The following ANKRD11 variants were observed in gnomAD, a reference collection of about 807,000 sequenced individuals.
ANKRD11 encodes ankyrin repeat domain-containing protein 11.
In ANKRD11, 17 loss-of-function variants were observed where a neutral mutation model predicts 195.7. The ratio of observed to expected loss-of-function variants is 0.09; its 90% CI spans 0.06 to 0.13. The LOEUF (loss-of-function observed/expected upper bound fraction) is 0.13. ANKRD11 is among the 10% of genes least tolerant of loss of function. The pLI is 1.00. For synonymous variants in ANKRD11, 1,953 were observed against 1,528.1 expected, an observed-to-expected ratio of 1.28 and a Z score of -6.49; for missense variants, 3,735 against 3,566.1, an observed-to-expected ratio of 1.05 and a Z score of -1.21.
In ANKRD11 at chr16:89,281,410, G is replaced by C; in HGVS notation, c.5132C>G (p.Ser1711Cys). The C allele has an allele frequency of 6.2e-7, 1 of 1,611,226 alleles. No homozygotes were observed. The highest frequency in any genetic ancestry group is 8.5e-7 in the Non-Finnish European group (1 of 1,177,962). ...CATCACCTCCTCGTAGCTGGGGCAG[G>C]ATAGCACCGACGTAGGGGTGGGCAC... ...TGVPTPTSVL[S>C]CPSYEEVMHT... The change falls in exon 9 of 13, where the codon TCC becomes TGC. Residue 1711 changes from serine to cysteine, a missense_variant. Transcript: ENST00000301030. This position sits in a 1 kb window ranked among gnomAD's most constrained non-coding sequence, Gnocchi z 5.5.
chr16:89,309,478 T>C (rs2036491147), intron 3 of ANKRD11, among the ~76,000 whole-genome samples: 1 of 152,232 alleles, frequency 6.6e-6, no homozygotes. Flanking sequence ...CCAGCTATAA[T>C]GTCTATCTAT....
intron 9 of ANKRD11, among the ~76,000 whole-genome samples, chr16:89,275,570 G>A (rs969355376): frequency 2.0e-5 from 3 of 152,144 alleles, no homozygotes; most frequent in African/African-American, 7.2e-5. Context: ...AGCTTCCTGT[G>A]TTCACAGGGA....
chr16:89,275,814 G>A (rs1411532971), intron 9 of ANKRD11, among the ~76,000 whole-genome samples: 1 of 152,188 alleles, frequency 6.6e-6, no homozygotes, highest in Admixed American at 6.5e-5. Context: ...CATGCATGCT[G>A]GAAGTGAATG....
At chr16:89,336,594 A>G (rs907259744) in intron 2 of ANKRD11, among the ~76,000 whole-genome samples, 1 of 152,154 alleles carries the variant, frequency 6.6e-6, no homozygotes, top group Non-Finnish European at 1.5e-5. Context: ...TCAATGAGAC[A>G]CAAGGTTAAA....
chr16:89,275,333 A>T lies in ANKRD11; in HGVS notation c.7471-142T>A, dbSNP rs968615530. 4.5e-6 allele frequency: 3 copies of T among 673,216 alleles called. No homozygotes were observed. In the African/African-American group the frequency reaches 5.4e-5, roughly 12 times the overall value. The allele number at this position is 673,216 out of a possible 1,614,324, so 41.7% of individuals were successfully genotyped here. On this transcript the variant is annotated intron_variant, in intron 9 of 12. Transcript: ENST00000301030. ...GGAGGCCTCCTCCAGTCCCAGCAAC[A>T]GACACACCAGGAAGCTTCTAGAAAC...
intron 1 of ANKRD11, among the ~76,000 whole-genome samples, chr16:89,427,873 A>G (rs890643386): frequency 6.6e-6 from 1 of 152,170 alleles, no homozygotes; most frequent in Non-Finnish European, 1.5e-5. Flanking sequence ...GGCAAAATAA[A>G]ACAAGGGCAC....
At chr16:89,483,305 C>T (rs2057502458) in intron 1 of ANKRD11, among the ~76,000 whole-genome samples, 1 of 152,254 alleles carries the variant, frequency 6.6e-6, no homozygotes, top group South Asian at 2.1e-4. Flanking sequence ...GTTTCAACAT[C>T]ATCTTCTTTT....
intron 2 of ANKRD11, among the ~76,000 whole-genome samples, chr16:89,359,344 T>G (rs1283316212): frequency 6.6e-6 from 1 of 152,278 alleles, no homozygotes; most frequent in Non-Finnish European, 1.5e-5. Flanking sequence ...CAATCGCACG[T>G]ACAGCCCTTT....
intron 4 of ANKRD11, among the ~76,000 whole-genome samples, chr16:89,294,001 C>A (rs571153766): frequency 6.6e-6 from 1 of 152,234 alleles, no homozygotes; most frequent in East Asian, 1.9e-4. Context: ...TCCTGCAGGG[C>A]GGCCATCTCA....
intron 1 of ANKRD11, among the ~76,000 whole-genome samples, chr16:89,479,032 C>T (rs2057351033): frequency 1.3e-5 from 2 of 152,070 alleles, no homozygotes; most frequent in African/African-American, 4.8e-5. Flanking sequence ...CTCACTGCAA[C>T]CTCAACCTTC....
At chr16:89,393,910 A>G (rs1265030534) in intron 2 of ANKRD11, among the ~76,000 whole-genome samples, 2 of 152,226 alleles carry the variant, frequency 1.3e-5, no homozygotes, top group Admixed American at 6.5e-5. Flanking sequence ...CCAAAAAGTC[A>G]CGAAGAAAGT....
intron 3 of ANKRD11, among the ~76,000 whole-genome samples, chr16:89,307,167 TGCCG>T (rs1339877501): frequency 6.6e-6 from 1 of 152,174 alleles, no homozygotes; most frequent in Admixed American, 6.5e-5. Flanking sequence ...CTAGGTAAGC[TGCCG>T]GCAAATACCG....
intron 2 of ANKRD11, among the ~76,000 whole-genome samples, chr16:89,414,008 G>A (rs1186683457): frequency 2.0e-5 from 3 of 152,018 alleles, no homozygotes; most frequent in African/African-American, 7.2e-5. Context: ...CTGACTTCCA[G>A]CCCAGCCACC....
In ANKRD11 at chr16:89,291,025, C is replaced by A. The variant is rs775160837; in HGVS notation, c.385G>T (p.Ala129Ser). ...LLMQMTAEES[A>S]NSPVDTTPKH... ...AGGCCGGGCTCACCTGGGCTGTTGG[C>A]AGACTCCTCGGCCGTCATCTGCATG... Residue 129 changes from alanine to serine, a missense_variant, in exon 5 of 13, where the codon GCC becomes TCC. Coordinates refer to ENST00000301030, the MANE Select transcript of ANKRD11 (RefSeq NM_013275.6). This position sits in a 1 kb window ranked among gnomAD's most constrained non-coding sequence, Gnocchi z 5.3. 1 of 1,611,816 alleles carries A rather than the reference C, an allele frequency of 6.2e-7. No homozygotes were observed. Among genetic ancestry groups the A allele is most frequent in the Admixed American group, 1.7e-5 (1 of 60,020 alleles).
chr16:89,474,942 G>A (rs900092590), intron 1 of ANKRD11, among the ~76,000 whole-genome samples: 1 of 152,202 alleles, frequency 6.6e-6, no homozygotes, highest in African/African-American at 2.4e-5. Flanking sequence ...GCCCTGCCTG[G>A]CCGGGAGCTG....
chr16:89,369,293 A>G (rs961221454), intron 2 of ANKRD11, among the ~76,000 whole-genome samples: 1 of 152,184 alleles, frequency 6.6e-6, no homozygotes, highest in Non-Finnish European at 1.5e-5. Context: ...TCTCCACGAC[A>G]CTCGCAGGTC....
At chr16:89,314,047 G>T (rs2036783403) in intron 3 of ANKRD11, among the ~76,000 whole-genome samples, 1 of 152,178 alleles carries the variant, frequency 6.6e-6, no homozygotes, top group African/African-American at 2.4e-5. Flanking sequence ...AACATGGTAA[G>T]ATCTCGTCTC....
At chr16:89,419,743 C>T (rs2042437355) in intron 1 of ANKRD11, among the ~76,000 whole-genome samples, 1 of 152,200 alleles carries the variant, frequency 6.6e-6, no homozygotes, top group South Asian at 2.1e-4. Context: ...TCCTGAGCAA[C>T]ACTCCTGGCA....
At chr16:89,403,487 A>G (rs1567756382) in intron 2 of ANKRD11, 1 of 152,230 alleles carries the variant, frequency 6.6e-6, no homozygotes, top group Non-Finnish European at 1.5e-5. Context: ...GGGCACCCCC[A>G]GGAAGCCCAC....
Sources: allele counts gnomAD v4.1 joint callset (sites outside exome capture counted in the v4.1 genomes callset), GRCh38; gene constraint gnomAD v4.1.1; non-coding constraint Gnocchi (gnomAD v3.1); transcripts MANE v1.5; gene names NCBI Gene and HGNC (gene_info 2026-07-23, HGNC 2026-07-21).